The following SCUBE2 variants were observed in gnomAD, a reference collection of about 807,000 sequenced individuals.
SCUBE2 encodes the protein signal peptide, CUB and EGF-like domain-containing protein 2.
Under a neutral mutation model 125.9 loss-of-function variants are expected in SCUBE2, and 114 were observed. The observed-to-expected ratio is 0.91, with a 90% CI of 0.78 to 1.06. The LOEUF (loss-of-function observed/expected upper bound fraction) is 1.06. SCUBE2 is among the 50% of genes least tolerant of loss of function. The pLI, the probability that SCUBE2 is intolerant of heterozygous loss-of-function variation, is 0.00. For synonymous variants in SCUBE2, 459 were observed against 492.9 expected (o/e 0.93, Z 0.91); for missense variants, 1,255 against 1,301.8 (o/e 0.96, Z 0.55).
intron 3 of SCUBE2, among the ~76,000 whole-genome samples, chr11:9,078,008 G>T (rs1861340365): frequency 6.6e-6 from 1 of 152,082 alleles, no homozygotes; most frequent in Non-Finnish European, 1.5e-5. Flanking sequence ...CAGCACAACA[G>T]TAATGATGAA....
intron 21 of SCUBE2, among the ~76,000 whole-genome samples, chr11:9,024,760 C>A (rs999682026): frequency 1.3e-5 from 2 of 152,200 alleles, no homozygotes; most frequent in African/African-American, 2.4e-5. Flanking sequence ...TATGTTATTT[C>A]AAGACCCACA....
chr11:9,053,247 G>A, intron 11 of SCUBE2, 32 bp from the exon 12 acceptor site: 2 of 1,565,772 alleles, frequency 1.3e-6, no homozygotes, highest in Non-Finnish European at 1.8e-6. Flanking sequence ...CTTACAGAAA[G>A]AGAAGGACAT....
chr11:9,026,608 T>C (rs1855788040), intron 20 of SCUBE2: 1 of 146,546 alleles, frequency 6.8e-6, no homozygotes, highest in South Asian at 2.3e-4. Context: ...CATGCCCAGC[T>C]AATTAAAAAA....
intron 4 of SCUBE2, among the ~76,000 whole-genome samples, chr11:9,071,391 C>T (rs946054756): frequency 2.0e-5 from 3 of 152,184 alleles, no homozygotes; most frequent in Admixed American, 1.3e-4. Flanking sequence ...AATGTCCTAC[C>T]ACATCAAGCT....
At chr11:9,036,974 A>G (rs570091482) in intron 16 of SCUBE2, among the ~76,000 whole-genome samples, 4 of 152,374 alleles carry the variant, frequency 2.6e-5, no homozygotes, top group African/African-American at 9.6e-5. Flanking sequence ...TGTCAGTCAC[A>G]GTGTCCATTT....
chr11:9,054,624 G>A (rs1347291395), intron 10 of SCUBE2, among the ~76,000 whole-genome samples: 2 of 146,374 alleles, frequency 1.4e-5, no homozygotes, highest in Non-Finnish European at 3.0e-5. Context: ...GGACTGGGAA[G>A]AGTAGTATGT....
At chr11:9,090,037 A>T (rs1358680721) in intron 1 of SCUBE2, among the ~76,000 whole-genome samples, 1 of 151,954 alleles carries the variant, frequency 6.6e-6, no homozygotes, top group African/African-American at 2.4e-5. Flanking sequence ...TACCCCCACC[A>T]TCACCTACTG....
chr11:9,046,480 G>A (rs1015214616), intron 16 of SCUBE2, among the ~76,000 whole-genome samples: 25 of 152,084 alleles, frequency 1.6e-4, no homozygotes, highest in African/African-American at 6.0e-4. Flanking sequence ...TTTTTAACTG[G>A]CCACAAAGAC....
In SCUBE2 at chr11:9,048,069, G is replaced by A. The variant is rs754516825; in HGVS notation, c.1669C>T (p.Arg557Cys). The A allele has an allele frequency of 8.6e-5, 139 of 1,613,678 alleles. No individual in the cohort carries two copies. Among genetic ancestry groups the A allele is most frequent in the African/African-American group, 1.3e-4 (10 of 75,004 alleles). ...GAGCTGCATGTAAGGTTTACGTAGC[G>A]GAAGCTCTCTTTTACTGAGCTGTGC... ...EKHSSVKESF[R>C]YVNLTCSSGK... The change falls in exon 15 of 23, where the codon CGC becomes TGC. Residue 557 changes from arginine to cysteine, a missense_variant. This residue lies in a region of SCUBE2 where 378 missense variants were observed against 463.1 expected (regional missense o/e 0.82). Transcript: ENST00000649792.
chr11:9,022,148 C>G (rs990822241), intron 21 of SCUBE2, 193 bp from the exon 22 acceptor site: 1 of 550,350 alleles, frequency 1.8e-6, no homozygotes, highest in African/African-American at 1.9e-5. Context: ...CTACCAGCAT[C>G]TGCACCCATC....
At chr11:9,066,857 C>A in intron 5 of SCUBE2, 44 bp from the exon 6 acceptor site, 1 of 1,473,842 alleles carries the variant, frequency 6.8e-7, no homozygotes, top group Non-Finnish European at 9.5e-7. Context: ...GAGATTTCCA[C>A]AAACACAGGG....
At chr11:9,039,486 TGTTTG>T (rs1857015934) in intron 16 of SCUBE2, among the ~76,000 whole-genome samples, 1 of 152,124 alleles carries the variant, frequency 6.6e-6, no homozygotes, top group Non-Finnish European at 1.5e-5. Flanking sequence ...TAAGAAGCTT[TGTTTG>T]GAAACACTGA....
intron 16 of SCUBE2, among the ~76,000 whole-genome samples, chr11:9,044,500 G>C (rs543433577): frequency 3.9e-5 from 6 of 152,166 alleles, no homozygotes; most frequent in Non-Finnish European, 7.4e-5. Context: ...CCAAAGTGCT[G>C]GGATTACAGA....
chr11:9,047,296 C>T (rs535165452), intron 16 of SCUBE2, 60 bp downstream of exon 16: 1 of 1,575,500 alleles, frequency 6.3e-7, no homozygotes. Context: ...CCTTCGGTTA[C>T]CCTGAGTGTT....
At chr11:9,030,360 T>G in intron 18 of SCUBE2, 1 of 425,094 alleles carries the variant, frequency 2.4e-6, no homozygotes, top group African/African-American at 2.0e-5. Context: ...GGGCAGGCAG[T>G]TGCAGAACTG....
chr11:9,087,717 C>A (rs903705375), intron 2 of SCUBE2, among the ~76,000 whole-genome samples: 1 of 152,180 alleles, frequency 6.6e-6, no homozygotes, highest in African/African-American at 2.4e-5. Context: ...CCGTCATAAT[C>A]CCATCTGTTA....
At chr11:9,030,472 G>A (rs1856209088) in intron 18 of SCUBE2, 1 of 444,010 alleles carries the variant, frequency 2.3e-6, no homozygotes, top group Non-Finnish European at 4.1e-6. Context: ...CTGAGATGGA[G>A]GAGGGCTAGA....
At position 9,071,159 on chromosome 11, in the gene SCUBE2, G is replaced by A. The variant is rs536604375; in HGVS notation, c.518-1664C>T. On this transcript the variant is annotated intron_variant, in intron 4 of 22. Coordinates refer to ENST00000649792, the MANE Select transcript of SCUBE2 (RefSeq NM_001367977.2). ...CGAGCATGGGAAGTAACTAGTGCTC[G>A]GGGGTAAATATAATACTGCCCAAGA... Among the ~76,000 whole-genome samples, 89 of 152,262 alleles carry A rather than the reference G, an allele frequency of 5.8e-4. 1 individual carries two copies. The highest frequency in any genetic ancestry group is 3.4e-3 in the Middle Eastern group (1 of 294).
chr11:9,033,397 C>A (rs1856484416), intron 17 of SCUBE2, among the ~76,000 whole-genome samples: 2 of 152,312 alleles, frequency 1.3e-5, no homozygotes, highest in South Asian at 4.1e-4. Flanking sequence ...CGCTCTTCTG[C>A]TAGTGTATTC....
Sources: gnomAD v4.1 joint callset for allele counts (sites outside exome capture counted in the v4.1 genomes callset) on GRCh38, gnomAD v4.1.1 for gene constraint, gnomAD v4.1.1 regional missense constraint, MANE v1.5 for transcripts, NCBI Gene and HGNC (gene_info 2026-07-23, HGNC 2026-07-21) for gene names.